MEG3: variants seen among roughly 807,000 people sequenced by gnomAD.
The protein encoded by MEG3 is Very putative protein from MEG3 locus.
chr14:100,853,555 A>G (rs1028886173), upstream of MEG3: 34 of 151,308 alleles, frequency 2.2e-4, 2 homozygotes, highest in Admixed American at 1.9e-3. Context: ...AAAAAAACCT[A>G]ATTGCCATTA....
upstream of MEG3, chr14:100,856,316 G>A (rs2038239881): frequency 6.5e-6 from 1 of 152,712 alleles, no homozygotes; most frequent in Non-Finnish European, 1.5e-5. Flanking sequence ...GTGAGGCATA[G>A]GTCTTGGGGG....
intron 1 of MEG3, chr14:100,827,549 G>C (rs999017635): frequency 2.0e-5 from 3 of 152,636 alleles, no homozygotes. Flanking sequence ...GATTTCCAGT[G>C]GTTTTTGGTT....
Position 100,845,333 on chromosome 14 carries a change from G to A in MEG3, n.3046-125G>A, listed in dbSNP as rs558250936. 1.9e-4 allele frequency: 67 copies of A among 360,376 alleles called. No individual in the cohort carries two copies. The highest frequency in any genetic ancestry group is 2.3e-4 in the African/African-American group (11 of 46,894). The allele number at this position is 360,376 out of a possible 1,614,324, so 22.3% of individuals were successfully genotyped here. On this transcript the variant is annotated intron_variant and non_coding_transcript_variant, in intron 2 of 3. Coordinates refer to the MEG3 transcript ENST00000398461. The surrounding 1 kb of genome is among the most constrained non-coding windows in gnomAD (Gnocchi z 5.2). ...TTCTCCAATTCCACACTTGCTGGAG[G>A]TTGGGGAGTCTCTGCTCCAGGCCAC...
upstream of MEG3, chr14:100,852,527 C>G: frequency 2.1e-6 from 1 of 469,582 alleles, no homozygotes; most frequent in South Asian, 1.6e-5. Flanking sequence ...TATGCCTTGG[C>G]TGGACTGAGG....
chr14:100,860,653 G>A (rs1395144399), intron 1 of MEG3: 2 of 456,514 alleles, frequency 4.4e-6, no homozygotes, highest in Non-Finnish European at 8.8e-6. Flanking sequence ...GCGAGGCCGG[G>A]AGCAGGTGGC....
At chr14:100,835,048 C>A (rs568427389) in exon 1 of MEG3, 1 of 347,060 alleles carries the variant, frequency 2.9e-6, no homozygotes, top group Non-Finnish European at 5.7e-6. Context: ...GAGGGCGGGC[C>A]GGGGGGTTGC....
At chr14:100,860,502 G>A (rs1032295381) in intron 1 of MEG3, 5 of 376,992 alleles carry the variant, frequency 1.3e-5, no homozygotes, top group Non-Finnish European at 2.1e-5. Flanking sequence ...CAGAAGTTGA[G>A]GGGCACTAGG....
At chr14:100,827,028 G>A (rs963854138) in intron 1 of MEG3, among the ~76,000 whole-genome samples, 2 of 151,928 alleles carry the variant, frequency 1.3e-5, no homozygotes, top group African/African-American at 4.8e-5. Context: ...AGAGGGAGGA[G>A]AGAAATGCAG....
At chr14:100,852,407 C>T, upstream of MEG3, 1 of 534,440 alleles carries the variant, frequency 1.9e-6, no homozygotes, top group South Asian at 1.4e-5. Flanking sequence ...ACCTTCCGAG[C>T]CTCCAGTACC....
chr14:100,837,608 G>A lies in MEG3; in HGVS notation n.3045+1308G>A, dbSNP rs1351911501. ...ACAGCTGCACGCTGGGTGGGGCCCA[G>A]CCTCTAGTCCTCAGCCATGTGCACG... On this transcript the variant is annotated intron_variant and non_coding_transcript_variant, in intron 2 of 3. Coordinates refer to the MEG3 transcript ENST00000398461. The surrounding 1 kb of genome is among the most constrained non-coding windows in gnomAD (Gnocchi z 5.8). 1.3e-5 allele frequency among the ~76,000 whole-genome samples: 2 copies of A among 152,140 alleles called. No homozygotes were observed. The highest frequency in any genetic ancestry group is 4.8e-5 in the African/African-American group (2 of 41,422).
chr14:100,848,756 A>G (rs1595294168), intron 3 of MEG3: 2 of 152,228 alleles, frequency 1.3e-5, no homozygotes, highest in Admixed American at 6.5e-5. Flanking sequence ...ACTGAATGAA[A>G]GAATAAATGC....
upstream of MEG3, chr14:100,852,816 A>T (rs1284570820): frequency 9.9e-6 from 2 of 202,916 alleles, no homozygotes; most frequent in African/African-American, 4.7e-5. Context: ...TGCTCCCAAC[A>T]TCTAGGGGCT....
chr14:100,858,111 A>G (rs546601910), exon 1 of MEG3: 1 of 152,356 alleles, frequency 6.6e-6, no homozygotes, highest in South Asian at 2.1e-4. Flanking sequence ...CCAGTCTTGC[A>G]CAAACAACCT....
At chr14:100,852,869 A>C (rs1291713095), upstream of MEG3, 4 of 160,746 alleles carry the variant, frequency 2.5e-5, no homozygotes, top group African/African-American at 9.6e-5. Context: ...CAATGAGAGC[A>C]GCTCTGGGGA....
chr14:100,841,834 T>G (rs748312124), intron 2 of MEG3, among the ~76,000 whole-genome samples: 1 of 152,214 alleles, frequency 6.6e-6, no homozygotes, highest in African/African-American at 2.4e-5. Context: ...ACTGGACTTG[T>G]GGCTTCAGAA....
Position 100,837,633 on chromosome 14 carries a change from G to A in MEG3, n.3045+1333G>A, listed in dbSNP as rs2037626103. 6.6e-6 allele frequency among the ~76,000 whole-genome samples: 1 copy of A among 152,064 alleles called. No homozygotes were observed. The highest frequency in any genetic ancestry group is 2.4e-5 in the African/African-American group (1 of 41,398). ...GCCTCTAGTCCTCAGCCATGTGCAC[G>A]CATCAGCCCTTGTGCAGGCCTCCGC... On this transcript the variant is annotated intron_variant and non_coding_transcript_variant, in intron 2 of 3. Transcript: ENST00000398461. The surrounding 1 kb of genome is among the most constrained non-coding windows in gnomAD (Gnocchi z 5.8).
intron 2 of MEG3, among the ~76,000 whole-genome samples, chr14:100,841,646 G>GA (rs398026389): frequency 6.6e-6 from 1 of 152,168 alleles, no homozygotes; most frequent in Non-Finnish European, 1.5e-5. Context: ...GTCGGGGGGG[G>GA]TCACAGTCAC....
At chr14:100,826,467 G>A (rs1200893307) in intron 1 of MEG3, 4 of 152,272 alleles carry the variant, frequency 2.6e-5, no homozygotes. Flanking sequence ...AGGGTGGGCT[G>A]GGTGGTAGGG....
intron 3 of MEG3, chr14:100,850,670 A>C (rs2038046682): frequency 6.6e-6 from 1 of 152,204 alleles, no homozygotes; most frequent in Non-Finnish European, 1.5e-5. Context: ...AGAGGAAGAA[A>C]GAAAGATGCA....
Sources: allele counts gnomAD v4.1 joint callset (sites outside exome capture counted in the v4.1 genomes callset), GRCh38; gene constraint gnomAD v4.1.1; non-coding constraint Gnocchi (gnomAD v3.1); transcripts MANE v1.5; gene names NCBI Gene and HGNC (gene_info 2026-07-23, HGNC 2026-07-21).